ATP13A5: variants seen among roughly 807,000 people sequenced by gnomAD.
ATP13A5 encodes probable cation-transporting ATPase 13A5.
ATP13A5 carries 149 observed loss-of-function variants against 150.2 expected under a neutral mutation model. The observed-to-expected ratio is 0.99, with a 90% CI of 0.87 to 1.14. The LOEUF (loss-of-function observed/expected upper bound fraction) is 1.14. ATP13A5 is among the 50% of genes most tolerant of loss of function. The pLI, the probability that ATP13A5 is intolerant of heterozygous loss-of-function variation, is 0.00. For missense variants in ATP13A5, 1,383 were observed against 1,449.3 expected (o/e 0.95, Z 0.74); for synonymous variants, 497 against 522.2 (o/e 0.95, Z 0.66).
intron 19 of ATP13A5, 80 bp downstream of exon 19, chr3:193,313,953 A>T: frequency 1.4e-6 from 2 of 1,458,018 alleles, no homozygotes; most frequent in South Asian, 1.3e-5. Context: ...TGACTCCTGG[A>T]GTTGAGAGAA....
chr3:193,288,854 G>A (rs1036186320), intron 26 of ATP13A5, among the ~76,000 whole-genome samples: 8 of 151,994 alleles, frequency 5.3e-5, no homozygotes, highest in African/African-American at 1.9e-4. Flanking sequence ...GGCTAGTATG[G>A]CACATCTAGT....
At position 193,295,615 on chromosome 3, in the gene ATP13A5, T is replaced by C. The variant is rs371135795; in HGVS notation, c.2848+3516A>G. On this transcript the variant is annotated intron_variant, in intron 25 of 29. Coordinates refer to ENST00000342358, the MANE Select transcript of ATP13A5 (RefSeq NM_198505.4). Reference sequence around the variant, plus strand: ...ATACAGTGAGAGATGAACACTTGTATAAGGGAATGTTGAATGGTGCTTCTC... The same window carrying C: ...ATACAGTGAGAGATGAACACTTGTACAAGGGAATGTTGAATGGTGCTTCTC... 2.0e-5 allele frequency among the ~76,000 whole-genome samples: 3 copies of C among 152,212 alleles called. No homozygotes were observed. The East Asian group carries it at 5.8e-4, about 29-fold the overall frequency.
At chr3:193,315,459 T>C (rs1475736826) in intron 17 of ATP13A5, among the ~76,000 whole-genome samples, 2 of 152,210 alleles carry the variant, frequency 1.3e-5, no homozygotes, top group African/African-American at 2.4e-5. Flanking sequence ...TTCAGTTTAT[T>C]TGGCATTTAT....
At chr3:193,359,571 G>C (rs1712924518) in intron 5 of ATP13A5, among the ~76,000 whole-genome samples, 1 of 152,140 alleles carries the variant, frequency 6.6e-6, no homozygotes, top group Non-Finnish European at 1.5e-5. Context: ...TCAATGCTGT[G>C]GTAAACATTG....
At chr3:193,352,443 T>C (rs1022746791) in intron 6 of ATP13A5, among the ~76,000 whole-genome samples, 2 of 152,126 alleles carry the variant, frequency 1.3e-5, no homozygotes, top group African/African-American at 4.8e-5. Context: ...AATTCAGTTC[T>C]CTTATTTAAT....
chr3:193,342,888 A>G (rs10804953), intron 9 of ATP13A5, among the ~76,000 whole-genome samples: 56,875 of 152,076 alleles, frequency 0.37, 11,601 homozygotes, highest in East Asian at 0.56. Context: ...TTTACAGGTC[A>G]GATACTATGG....
intron 27 of ATP13A5, among the ~76,000 whole-genome samples, chr3:193,282,335 G>C (rs1315881454): frequency 6.6e-6 from 1 of 151,998 alleles, no homozygotes; most frequent in Non-Finnish European, 1.5e-5. Flanking sequence ...TAATGGGAAA[G>C]TCATTCACAA....
At chr3:193,295,734 G>C (rs1015886331) in intron 25 of ATP13A5, among the ~76,000 whole-genome samples, 1 of 152,124 alleles carries the variant, frequency 6.6e-6, no homozygotes, top group African/African-American at 2.4e-5. Context: ...TATCTCCATA[G>C]TGTCTAGCAA....
At chr3:193,307,047 A>G (rs2108846491) in intron 22 of ATP13A5, 1 of 897,288 alleles carries the variant, frequency 1.1e-6, no homozygotes, top group East Asian at 1.2e-4. Flanking sequence ...TAAAGCAGAT[A>G]GACTTGTAAA....
chr3:193,278,287 TC>T (rs1430824117), intron 28 of ATP13A5, among the ~76,000 whole-genome samples: 2 of 152,192 alleles, frequency 1.3e-5, no homozygotes, highest in African/African-American at 2.4e-5. Context: ...CATGTAGTCT[TC>T]CTGCCGTCAT....
chr3:193,344,977 T>A lies in ATP13A5; in HGVS notation c.814+26A>T, dbSNP rs763433814. 38 of 1,591,558 alleles carry A rather than the reference T, an allele frequency of 2.4e-5. 1 individual carries two copies. The Middle Eastern group carries it at 6.6e-4, about 28-fold the overall frequency. On this transcript the variant is annotated intron_variant, in intron 8 of 29. Transcript: ENST00000342358. ...ATTCCCCCCTGAAATATTAAGATGC[T>A]GAAGATGGCCTAACACATCACTTAC...
chr3:193,326,006 AG>A (rs1457102804), intron 13 of ATP13A5, among the ~76,000 whole-genome samples: 3 of 152,182 alleles, frequency 2.0e-5, no homozygotes, highest in Admixed American at 2.0e-4. Context: ...ACACATCAGT[AG>A]GGTTAAAGCT....
At chr3:193,336,971 A>T (rs1711895551) in intron 9 of ATP13A5, among the ~76,000 whole-genome samples, 2 of 152,020 alleles carry the variant, frequency 1.3e-5, no homozygotes, top group Admixed American at 1.3e-4. Flanking sequence ...TTTGATTTGC[A>T]TTTCTCTGAT....
chr3:193,275,344 TC>T, intron 29 of ATP13A5, 42 bp from the exon 30 acceptor site: 1 of 1,598,814 alleles, frequency 6.3e-7, no homozygotes. Context: ...ATTGCGCAGG[TC>T]CCCCTGCAGC....
chr3:193,291,510 C>T (rs1162964750), intron 25 of ATP13A5, among the ~76,000 whole-genome samples: 3 of 151,896 alleles, frequency 2.0e-5, no homozygotes, highest in South Asian at 2.1e-4. Context: ...GAATGAGGAG[C>T]GTTTGTGTTA....
Position 193,378,710 on chromosome 3 carries a change from T to C in ATP13A5, c.16A>G (p.Lys6Glu), listed in dbSNP as rs1464361443. 7 of 1,613,794 alleles carry C rather than the reference T, an allele frequency of 4.3e-6. No homozygotes were observed. The highest frequency in any genetic ancestry group is 2.2e-5 in the East Asian group (1 of 44,886). Residue 6 changes from lysine to glutamate, a missense_variant, in exon 1 of 30, where the codon AAG (lysine) becomes GAG (glutamate). Physicochemically the swap from Lys to Glu is moderately conservative, Grantham distance 56. Transcript: ENST00000342358. Reference sequence around the variant, plus strand: ...TTGAGCAAAGCCCGATGGTCCTTCTTACTGTTCTCTTCCATCTGAACTCAA... The same window carrying C: ...TTGAGCAAAGCCCGATGGTCCTTCTCACTGTTCTCTTCCATCTGAACTCAA... MEENS[K>E]KDHRALLNQG...
chr3:193,288,025 A>G (rs1173843012), intron 26 of ATP13A5, among the ~76,000 whole-genome samples: 1 of 152,106 alleles, frequency 6.6e-6, no homozygotes, highest in Non-Finnish European at 1.5e-5. Context: ...TAGCAAGAGA[A>G]CTGGAATTAG....
At chr3:193,319,225 A>G (rs1187569280) in intron 16 of ATP13A5, 117 bp from the exon 17 acceptor site, 1 of 714,426 alleles carries the variant, frequency 1.4e-6, no homozygotes, top group Admixed American at 2.4e-5. Context: ...AAGCACTTTA[A>G]TAGAAAACTT....
chr3:193,363,990 C>CT, intron 2 of ATP13A5, 117 bp downstream of exon 2: 1 of 1,185,604 alleles, frequency 8.4e-7, no homozygotes, highest in Non-Finnish European at 1.2e-6. Context: ...TATGGAAACT[C>CT]TTTAAATAGA....
Sources: gnomAD v4.1 joint callset for allele counts (sites outside exome capture counted in the v4.1 genomes callset) on GRCh38, gnomAD v4.1.1 for gene constraint, MANE v1.5 for transcripts, NCBI Gene and HGNC (gene_info 2026-07-23, HGNC 2026-07-21) for gene names.